CFAP54: variants seen among roughly 807,000 people sequenced by gnomAD.
CFAP54 encodes cilia and flagella associated protein 54.
CFAP54 carries 290 observed loss-of-function variants against 370.4 expected under a neutral mutation model. That is an observed-to-expected ratio of 0.78 (90% CI 0.71 to 0.86). The LOEUF is 0.86. CFAP54 is among the 40% of genes least tolerant of loss of function. The pLI, the probability that CFAP54 is intolerant of heterozygous loss-of-function variation, is 0.00. For missense variants in CFAP54, 3,399 were observed against 3,528.7 expected (o/e 0.96, Z 0.93); for synonymous variants, 1,206 against 1,236.5 (o/e 0.98, Z 0.52).
chr12:96,829,728 T>G (rs1485152795), intron 66 of CFAP54, among the ~76,000 whole-genome samples: 1 of 151,718 alleles, frequency 6.6e-6, no homozygotes, highest in Non-Finnish European at 1.5e-5. Context: ...AATATAAAAT[T>G]TAAAGTTTTA....
In CFAP54 at chr12:96,584,150, A is replaced by G. The variant is rs183623512; in HGVS notation, c.3075+3045A>G. ...ATTAATAATGGTTTGTCTTTTGTCT[A>G]TTTTATTTTTCATTCAAATAAAAAA... On this transcript the variant is annotated intron_variant, in intron 22 of 67. Transcript: ENST00000524981. Among the ~76,000 whole-genome samples the G allele has an allele frequency of 3.1e-3, 457 of 148,464 alleles. 4 individuals carry two copies. Among genetic ancestry groups the G allele is most frequent in the African/African-American group, 0.011 (418 of 39,222 alleles).
At chr12:96,561,044 G>T (rs1955809427) in intron 17 of CFAP54, among the ~76,000 whole-genome samples, 1 of 152,034 alleles carries the variant, frequency 6.6e-6, no homozygotes, top group African/African-American at 2.4e-5. Flanking sequence ...TGCCATCATT[G>T]TTCTTTGTGA....
intron 1 of CFAP54, among the ~76,000 whole-genome samples, chr12:96,499,134 A>G (rs930872233): frequency 1.3e-5 from 2 of 151,954 alleles, no homozygotes; most frequent in African/African-American, 4.8e-5. Context: ...ATGCCTGGCT[A>G]ATTTTTGTAT....
rs565560753 is a variant in CFAP54, at chr12:96,627,735, A to G, written c.4103+796A>G. Among the ~76,000 whole-genome samples the G allele has an allele frequency of 3.9e-5, 6 of 152,362 alleles. No individual in the cohort carries two copies. In the East Asian group the frequency reaches 9.6e-4, roughly 24 times the overall value. On this transcript the variant is annotated intron_variant, in intron 30 of 67. Transcript: ENST00000524981. ...CTTATATTAAATGAAACAGGCCGTG[A>G]TAATAACAGAATTGTTCAGAATTAG... is the stretch of plus-strand genomic sequence containing the variant.
At chr12:96,727,031 G>A (rs1201172456) in intron 50 of CFAP54, among the ~76,000 whole-genome samples, 3 of 152,182 alleles carry the variant, frequency 2.0e-5, no homozygotes, top group African/African-American at 4.8e-5. Context: ...TTGCACTGTG[G>A]TCTGAGAGAC....
rs1592764445 is a variant in CFAP54 at position 96,792,582 on chromosome 12, A to T, written c.8850+83A>T. 9 of 1,056,010 alleles carry T rather than the reference A, an allele frequency of 8.5e-6. No individual in the cohort carries two copies. In the Admixed American group the frequency reaches 2.5e-4, roughly 29 times the overall value. 65.4% of individuals were successfully genotyped at this position (1,056,010 alleles called of 1,614,324 possible). ...CATTATAACTTGGAGAGTAGAGGAC[A>T]TTCTCTTATCATATAGATGAGAACA... On this transcript the variant is annotated intron_variant, in intron 63 of 67. Transcript: ENST00000524981.
At chr12:96,836,018 A>G (rs1300676695) in intron 66 of CFAP54, among the ~76,000 whole-genome samples, 1 of 152,188 alleles carries the variant, frequency 6.6e-6, no homozygotes, top group East Asian at 1.9e-4. Flanking sequence ...GTGACATGGT[A>G]GGGAACAGAA....
chr12:96,857,805 T>C (rs757654117), intron 66 of CFAP54, among the ~76,000 whole-genome samples: 3 of 152,198 alleles, frequency 2.0e-5, no homozygotes, highest in African/African-American at 4.8e-5. Context: ...TCTGCCATAA[T>C]TACAAGTTTC....
At chr12:96,632,184 G>T (rs771651566) in intron 32 of CFAP54, among the ~76,000 whole-genome samples, 44 of 151,830 alleles carry the variant, frequency 2.9e-4, no homozygotes, top group Non-Finnish European at 5.6e-4. Context: ...AAAAACTTTT[G>T]TTTTCTTATT....
intron 12 of CFAP54, among the ~76,000 whole-genome samples, chr12:96,536,176 C>T (rs909006413): frequency 1.3e-5 from 2 of 152,072 alleles, no homozygotes; most frequent in South Asian, 2.1e-4. Context: ...TTTGCTGCAC[C>T]TCCTACTTAT....
At chr12:96,837,599 A>G (rs1959190373) in intron 66 of CFAP54, among the ~76,000 whole-genome samples, 1 of 152,188 alleles carries the variant, frequency 6.6e-6, no homozygotes. Context: ...TACTTTGCCC[A>G]GTGTTTAGTC....
chr12:96,648,782 G>A (rs1159050838), intron 34 of CFAP54, among the ~76,000 whole-genome samples: 1 of 151,768 alleles, frequency 6.6e-6, no homozygotes, highest in African/African-American at 2.4e-5. Flanking sequence ...TAAAGACGGG[G>A]TTTCACTATG....
chr12:96,743,889 T>G lies in CFAP54; in HGVS notation c.7536T>G (p.Ala2512=). 1 of 1,613,106 alleles carries G rather than the reference T, an allele frequency of 6.2e-7. No individual in the cohort carries two copies. Among genetic ancestry groups the G allele is most frequent in the Non-Finnish European group, 8.5e-7 (1 of 1,179,676 alleles). Residue 2512 remains alanine, a synonymous_variant, in exon 54 of 68, where the codon GCT becomes GCG. Coordinates refer to ENST00000524981, the MANE Select transcript of CFAP54 (RefSeq NM_001306084.2). ...KTGKLNLLTR[A]HSILTEQMLA... The stretch of plus-strand genomic sequence containing the variant: ...GAAAATTAAATTTGTTAACTCGGGC[T>G]CATAGCATTCTAACTGAACAGGTGA...
intron 25 of CFAP54, among the ~76,000 whole-genome samples, chr12:96,595,075 G>T (rs12315845): frequency 0.023 from 3,521 of 152,174 alleles, 83 homozygotes; most frequent in African/African-American, 0.059. Flanking sequence ...TTTCCTCTGA[G>T]GCTTGAGGTC....
At chr12:96,601,591 T>C (rs1435921664) in intron 26 of CFAP54, among the ~76,000 whole-genome samples, 1 of 152,088 alleles carries the variant, frequency 6.6e-6, no homozygotes, top group Non-Finnish European at 1.5e-5. Flanking sequence ...GTCCTGGACT[T>C]TTTTTTGGTT....
chr12:96,707,257 A>G (rs1260847328), intron 47 of CFAP54, among the ~76,000 whole-genome samples: 1 of 131,566 alleles, frequency 7.6e-6, no homozygotes, highest in African/African-American at 2.7e-5. Context: ...TGAGTCTTTA[A>G]CTTGAATTTT....
At chr12:96,785,009 G>A (rs1423553570) in intron 61 of CFAP54, 119 bp downstream of exon 61, 1 of 816,818 alleles carries the variant, frequency 1.2e-6, no homozygotes, top group Admixed American at 3.8e-5. Context: ...GTCATCAGAA[G>A]ATGAAAATTT....
intron 50 of CFAP54, among the ~76,000 whole-genome samples, chr12:96,725,235 G>A (rs951100760): frequency 1.2e-4 from 18 of 151,146 alleles, no homozygotes; most frequent in African/African-American, 4.1e-4. Context: ...AGCTTGATGG[G>A]GATGGCATTG....
intron 63 of CFAP54, among the ~76,000 whole-genome samples, chr12:96,808,992 G>A (rs941469852): frequency 6.6e-6 from 1 of 152,128 alleles, no homozygotes; most frequent in Non-Finnish European, 1.5e-5. Context: ...TAAAATTCTA[G>A]GCTGACAGTT....
Sources: gnomAD v4.1 joint callset for allele counts (sites outside exome capture counted in the v4.1 genomes callset) on GRCh38, gnomAD v4.1.1 for gene constraint, MANE v1.5 for transcripts, NCBI Gene and HGNC (gene_info 2026-07-23, HGNC 2026-07-21) for gene names.